Variants in POLR3C observed in about 807,000 individuals in gnomAD.
The protein encoded by POLR3C is DNA-directed RNA polymerase III subunit RPC3.
Under a neutral mutation model 65.9 loss-of-function variants are expected in POLR3C, and 44 were observed. The ratio of observed to expected loss-of-function variants is 0.67; its 90% CI spans 0.52 to 0.86. The LOEUF is 0.86. Ranked by LOEUF, POLR3C falls within the 40% of genes least tolerant of loss-of-function variation. The pLI is 0.00. For missense variants in POLR3C, 576 were observed against 653.2 expected, an observed-to-expected ratio of 0.88 and a Z score of 1.29; for synonymous variants, 263 against 231.6, an observed-to-expected ratio of 1.14 and a Z score of -1.23.
At chr1:145,833,454 C>G (rs1357188983) in intron 6 of POLR3C, 36 bp from the exon 7 acceptor site, 6 of 1,570,310 alleles carry the variant, frequency 3.8e-6, no homozygotes, top group African/African-American at 1.3e-5. Context: ...AGGGGCAGCA[C>G]TGTGATTTCT....
chr1:145,840,192 T>G lies in POLR3C; in HGVS notation c.1373+27T>G, dbSNP rs782113096. 2.1e-6 allele frequency: 3 copies of G among 1,437,130 alleles called. No homozygotes were observed. In the East Asian group the frequency reaches 6.8e-5, roughly 33 times the overall value. The allele number at this position is 1,437,130 out of a possible 1,614,324, so 89.0% of individuals were successfully genotyped here. A position where few individuals can be genotyped will look rare whatever the true frequency, so the allele number is the denominator to read the frequency against. On this transcript the variant is annotated intron_variant, in intron 13 of 14. Transcript: ENST00000334163. ...TAAGTAACATTTTCAGTTGAGTTAT[T>G]TACATCTTTCAAGATCAAGGGCCTC...
chr1:145,826,073 A>C lies in POLR3C; in HGVS notation c.147+150A>C, dbSNP rs1650716550. ...ATGTTATTTCGGGGAGAAAAGGATG[A>C]GACTTAGACATCAACATTTTGTTTC... On this transcript the variant is annotated intron_variant, in intron 2 of 14. Transcript: ENST00000334163. 3 of 667,168 alleles carry C rather than the reference A, an allele frequency of 4.5e-6. No individual in the cohort carries two copies. The African/African-American group carries it at 5.4e-5, about 12-fold the overall frequency. 41.3% of individuals were successfully genotyped at this position (667,168 alleles called of 1,614,324 possible). A position where few individuals can be genotyped will look rare whatever the true frequency, so the allele number is the denominator to read the frequency against.
At chr1:145,827,526 A>G (rs970375665) in intron 4 of POLR3C, among the ~76,000 whole-genome samples, 1 of 151,392 alleles carries the variant, frequency 6.6e-6, no homozygotes, top group African/African-American at 2.4e-5. Context: ...TTGGGAGGCC[A>G]AGGTGGGCGG....
In POLR3C at chr1:145,832,970, C is replaced by T. The variant is rs587726414; in HGVS notation, c.679-290C>T. ...CCGAGAGGCAGAGGTTGCAGTGAGC[C>T]GAGATCATGCCACTGCACTCCAGCC... On this transcript the variant is annotated intron_variant, in intron 5 of 14. Coordinates refer to ENST00000334163, the MANE Select transcript of POLR3C (RefSeq NM_006468.8). Among the ~76,000 whole-genome samples, 5 of 152,014 alleles carry T rather than the reference C, an allele frequency of 3.3e-5. No homozygotes were observed. The South Asian group carries it at 1.0e-3, about 32-fold the overall frequency.
chr1:145,836,973 GAAA>G (rs1553728925), intron 9 of POLR3C, 107 bp downstream of exon 9: 1 of 588,114 alleles, frequency 1.7e-6, no homozygotes, highest in Non-Finnish European at 3.0e-6. Context: ...AAATAAATTA[GAAA>G]ATTGAAGTAA....
chr1:145,837,554 C>T lies in POLR3C; in HGVS notation c.1028C>T (p.Ala343Val), dbSNP rs1553729094. 5 of 1,603,568 alleles carry T rather than the reference C, an allele frequency of 3.1e-6. No individual in the cohort carries two copies. In the South Asian group the frequency reaches 4.5e-5, roughly 14 times the overall value. Residue 343 changes from alanine to valine, a missense_variant, in exon 10 of 15, where the codon GCA becomes GTA. Physicochemically the swap from Ala to Val is moderately conservative, Grantham distance 64. Coordinates refer to ENST00000334163, the MANE Select transcript of POLR3C (RefSeq NM_006468.8). ...MYVINLHKAL[A>V]SLATATLESV... ...CATAAAGACCTCCATAAGGCATTAG[C>T]ATCCCTAGCCACAGCCACTCTGGAG... is the stretch of plus-strand genomic sequence containing the variant.
intron 9 of POLR3C, 40 bp downstream of exon 9, chr1:145,836,906 AC>A: frequency 9.2e-7 from 1 of 1,090,758 alleles, no homozygotes; most frequent in Non-Finnish European, 1.4e-6. Flanking sequence ...AGGCAGCCTG[AC>A]CTATAAATCA....
Position 145,836,590 on chromosome 1 carries a change from C to T in POLR3C, c.957+16C>T, listed in dbSNP as rs782668589. On this transcript the variant is annotated intron_variant, in intron 8 of 14. Transcript: ENST00000334163. The stretch of plus-strand genomic sequence containing the variant: ...AGATGATCCAGTAAGTCTGTTTTTG[C>T]TTTTTTTCTTTTTTCTTTAGCCTGT... 3 of 1,478,336 alleles carry T rather than the reference C, an allele frequency of 2.0e-6. No individual in the cohort carries two copies. The highest frequency in any genetic ancestry group is 2.3e-5 in the South Asian group (2 of 88,274). The allele number at this position is 1,478,336 out of a possible 1,614,324, so 91.6% of individuals were successfully genotyped here.
At position 145,825,437 on chromosome 1, in the gene POLR3C, C is replaced by T. The variant is rs587752233; in HGVS notation, c.-20-320C>T. Among the ~76,000 whole-genome samples the T allele has an allele frequency of 1.2e-4, 19 of 152,236 alleles. 1 individual carries two copies. The South Asian group carries it at 2.9e-3, about 23-fold the overall frequency. ...TTATGAATAATTTTCTACATGAATACGCATCGTACTAAATAACTTTAAATG... is the reference window on the plus strand; with the variant it reads ...TTATGAATAATTTTCTACATGAATATGCATCGTACTAAATAACTTTAAATG... On this transcript the variant is annotated intron_variant, in intron 1 of 14. Coordinates refer to ENST00000334163, the MANE Select transcript of POLR3C (RefSeq NM_006468.8).
intron 7 of POLR3C, among the ~76,000 whole-genome samples, chr1:145,835,377 G>GGA (rs1212445860): frequency 6.6e-6 from 1 of 151,196 alleles, no homozygotes; most frequent in Non-Finnish European, 1.5e-5. Context: ...CCCGGGAATG[G>GGA]GAGGTTGCAG....
At chr1:145,834,477 G>A (rs587595553) in intron 7 of POLR3C, among the ~76,000 whole-genome samples, 57 of 151,776 alleles carry the variant, frequency 3.8e-4, no homozygotes, top group African/African-American at 1.4e-3. Context: ...GACCAGCCTG[G>A]GCAACATGGT....
At position 145,833,249 on chromosome 1, in the gene POLR3C, CTTT is replaced by C. The variant is rs782576305; in HGVS notation, c.679-9_679-7del. ...ACTATAGCTAAATGTTTCTCTAAATCTTTTCCTCAGCCCATTCCAGATGATGGG... is the reference window on the plus strand; with the variant it reads ...ACTATAGCTAAATGTTTCTCTAAATCTCCTCAGCCCATTCCAGATGATGGG... On this transcript the variant is annotated splice_region_variant and splice_polypyrimidine_tract_variant and intron_variant, in intron 5 of 14. Transcript: ENST00000334163. The C allele has an allele frequency of 1.3e-6, 2 of 1,540,462 alleles. No homozygotes were observed. The highest frequency in any genetic ancestry group is 2.3e-5 in the South Asian group (2 of 87,304).
rs139560249 is a variant in POLR3C, at chr1:145,826,991, A to C, written c.575A>C (p.Lys192Thr). 1.6e-4 allele frequency: 263 copies of C among 1,609,334 alleles called. No homozygotes were observed. The African/African-American group carries it at 3.2e-3, about 20-fold the overall frequency. Residue 192 changes from lysine (K) to threonine (T), a missense_variant, in exon 4 of 15, where the codon AAA becomes ACA. Transcript: ENST00000334163. ...INEKDMYLVP[K>T]LSLIGKGKRR... ...GAAAAGGACATGTACCTGGTTCCTA[A>C]ACTCAGCTTGATAGGTAAGGAATTT...
chr1:145,831,784 G>C (rs1282409920), intron 5 of POLR3C, among the ~76,000 whole-genome samples: 1 of 152,234 alleles, frequency 6.6e-6, no homozygotes, highest in Non-Finnish European at 1.5e-5. Context: ...GCTCACACTT[G>C]TAATCCTAAC....
chr1:145,827,181 C>T (rs1214508639), intron 4 of POLR3C, among the ~76,000 whole-genome samples, 176 bp downstream of exon 4: 1 of 152,114 alleles, frequency 6.6e-6, no homozygotes, highest in Non-Finnish European at 1.5e-5. Flanking sequence ...AGGAGACATA[C>T]ATTAATCGGA....
At position 145,842,679 on chromosome 1, in the gene POLR3C, A is replaced by G. The variant is rs1652380489; in HGVS notation, c.*259A>G. ...TCATCTATCAGATGCATCTGTTCCC[A>G]TAAAGAAGTTACCCACACCTATGGT... On this transcript the variant is annotated 3_prime_UTR_variant, in exon 15 of 15. Transcript: ENST00000334163. Among the ~76,000 whole-genome samples, 1 of 152,152 alleles carries G rather than the reference A, an allele frequency of 6.6e-6. No homozygotes were observed. Among genetic ancestry groups the G allele is most frequent in the Non-Finnish European group, 1.5e-5 (1 of 68,016 alleles).
chr1:145,833,343 A>C lies in POLR3C; in HGVS notation c.762A>C (p.Ala254=), dbSNP rs782451212. The part of the protein sequence containing the change: ...QHFRDQAIVS[A]VANRMDQTSS... ...TCCGTGACCAAGCCATTGTGAGCGCAGTTGCTAACAGGATGGACCAGGTAA... is the reference window on the plus strand; with the variant it reads ...TCCGTGACCAAGCCATTGTGAGCGCCGTTGCTAACAGGATGGACCAGGTAA... Residue 254 remains alanine, a synonymous_variant, in exon 6 of 15, where the codon GCA becomes GCC. Transcript: ENST00000334163. 6.2e-7 allele frequency: 1 copy of C among 1,611,392 alleles called. No homozygotes were observed. The highest frequency in any genetic ancestry group is 8.5e-7 in the Non-Finnish European group (1 of 1,177,588).
At position 145,838,070 on chromosome 1, in the gene POLR3C, G is replaced by A. The variant is rs781827674; in HGVS notation, c.1085G>A (p.Cys362Tyr). Reference protein sequence around the residue: ...SVVQERFGSRCARIFRLVLQK... With the variant: ...SVVQERFGSRYARIFRLVLQK... ...TTCCTTTCCAGATTTGGGTCTCGCT[G>A]TGCTAGAATATTCCGTCTAGTTTTG... Residue 362 changes from cysteine (C) to tyrosine (Y), a missense_variant, in exon 11 of 15, where the codon TGT becomes TAT. By Grantham distance (194) the Cys-to-Tyr change is radical. Transcript: ENST00000334163. The A allele has an allele frequency of 3.7e-6, 6 of 1,614,130 alleles. No homozygotes were observed. The East Asian group carries it at 1.1e-4, about 30-fold the overall frequency.
chr1:145,825,032 C>CTT (rs202019471), intron 1 of POLR3C, among the ~76,000 whole-genome samples: 2 of 150,856 alleles, frequency 1.3e-5, no homozygotes, highest in African/African-American at 2.4e-5. Flanking sequence ...TACATTTTTC[C>CTT]TTTTTTTTTA....
Sources: allele counts gnomAD v4.1 joint callset (sites outside exome capture counted in the v4.1 genomes callset), GRCh38; gene constraint gnomAD v4.1.1; transcripts MANE v1.5; gene names NCBI Gene and HGNC (gene_info 2026-07-23, HGNC 2026-07-21).